Variants in ANKRD7 observed in about 807,000 individuals in gnomAD.
ANKRD7 encodes ankyrin repeat domain 7, also known as ankyrin repeat domain-containing protein 7.
Under a neutral mutation model 30.8 loss-of-function variants are expected in ANKRD7, and 30 were observed. The ratio of observed to expected loss-of-function variants is 0.97; its 90% CI spans 0.73 to 1.32. ANKRD7 has a LOEUF of 1.32. Among genes scored for constraint, ANKRD7 ranks in the 40% most tolerant of loss-of-function variants. The pLI, the probability that ANKRD7 is intolerant of heterozygous loss-of-function variation, is 0.00. For synonymous variants in ANKRD7, 97 were observed against 106.6 expected, an observed-to-expected ratio of 0.91 and a Z score of 0.55; for missense variants, 264 against 295.7, an observed-to-expected ratio of 0.89 and a Z score of 0.79.
rs1809514210 is a variant in ANKRD7 at position 118,224,913 on chromosome 7, A to C, written c.83A>C (p.Lys28Thr). 5.6e-6 allele frequency: 9 copies of C among 1,614,200 alleles called. No individual in the cohort carries two copies. The highest frequency in any genetic ancestry group is 7.6e-6 in the Non-Finnish European group (9 of 1,180,032). Residue 28 changes from lysine to threonine, a missense_variant, in exon 1 of 7, where the codon AAA becomes ACA. Coordinates refer to ENST00000265224, the MANE Select transcript of ANKRD7 (RefSeq NM_019644.4). The stretch of plus-strand genomic sequence containing the variant: ...AACCTTCGAGAAAAGGATTTAAAGA[A>C]ACTTCACAGAGCTGCTTCAGTCGGG... ...GYNLREKDLKKLHRAASVGDL... is the reference protein window; with the variant it reads ...GYNLREKDLKTLHRAASVGDL...
Position 118,240,014 on chromosome 7 carries a change from G to A in ANKRD7, c.*37+16G>A. ...CTAAAGGAAGGTAAGATTGCTAACT[G>A]GATTAGTGTTTTTTTCTTGTTGCTT... On this transcript the variant is annotated intron_variant, in intron 6 of 6. Transcript: ENST00000265224. 1 of 1,376,398 alleles carries A rather than the reference G, an allele frequency of 7.3e-7. No individual in the cohort carries two copies. The highest frequency in any genetic ancestry group is 9.7e-7 in the Non-Finnish European group (1 of 1,034,504). 85.3% of individuals were successfully genotyped at this position (1,376,398 alleles called of 1,614,324 possible).
intron 1 of ANKRD7, chr7:118,228,064 G>C: frequency 7.8e-7 from 1 of 1,286,118 alleles, no homozygotes; most frequent in Non-Finnish European, 1.0e-6. Flanking sequence ...TGTCAGCAAA[G>C]TATTTTATTT....
chr7:118,234,865 G>T lies in ANKRD7; in HGVS notation c.459G>T (p.Ala153=), dbSNP rs539928890. ...KLLEYEADLE[A]KNKDGYTPLL... ...TTGAATACGAAGCTGATCTTGAAGC[G>T]AAAAATAAGGTAGTTTTCTATTAAA... is the stretch of plus-strand genomic sequence containing the variant. Residue 153 remains alanine (A), a synonymous_variant, in exon 3 of 7, where the codon GCG becomes GCT. Transcript: ENST00000265224. 4.4e-6 allele frequency: 7 copies of T among 1,592,022 alleles called. No individual in the cohort carries two copies. Among genetic ancestry groups the T allele is most frequent in the Middle Eastern group, 1.7e-4 (1 of 5,918 alleles).
chr7:118,230,640 G>A (rs1809620817), intron 1 of ANKRD7, among the ~76,000 whole-genome samples: 1 of 151,858 alleles, frequency 6.6e-6, no homozygotes, highest in African/African-American at 2.4e-5. Context: ...GAACGTGTGT[G>A]TGTGTGTGTG....
At chr7:118,235,377 C>T (rs1809710188) in intron 3 of ANKRD7, among the ~76,000 whole-genome samples, 1 of 151,976 alleles carries the variant, frequency 6.6e-6, no homozygotes. Context: ...CTTTGGGAGG[C>T]CGAGGTGGGT....
Position 118,236,078 on chromosome 7 carries a change from A to G in ANKRD7, c.506A>G (p.Asn169Ser), listed in dbSNP as rs1202048417. The change falls in exon 4 of 7, where the codon AAT (asparagine) becomes AGT (serine). Residue 169 changes from asparagine (N) to serine (S), a missense_variant. Physicochemically the swap from Asn to Ser is conservative, Grantham distance 46. Transcript: ENST00000265224. Reference protein sequence around the residue: ...YTPLLVAVINNNPKMVKFLLE... With the variant: ...YTPLLVAVINSNPKMVKFLLE... Reference sequence around the variant, plus strand: ...CCACTATTAGTTGCCGTTATTAACAATAATCCAAAAATGGTAAAATTTCTT... The same window carrying G: ...CCACTATTAGTTGCCGTTATTAACAGTAATCCAAAAATGGTAAAATTTCTT... 3 of 1,607,144 alleles carry G rather than the reference A, an allele frequency of 1.9e-6. No individual in the cohort carries two copies. The highest frequency in any genetic ancestry group is 2.6e-6 in the Non-Finnish European group (3 of 1,174,714).
chr7:118,233,413 A>G (rs548804001), intron 1 of ANKRD7, among the ~76,000 whole-genome samples: 113 of 152,242 alleles, frequency 7.4e-4, no homozygotes, highest in African/African-American at 2.6e-3. Context: ...GATTACATTC[A>G]GGTAAACTTA....
chr7:118,232,458 T>C (rs988991576), intron 1 of ANKRD7, among the ~76,000 whole-genome samples: 2 of 152,106 alleles, frequency 1.3e-5, no homozygotes, highest in African/African-American at 4.8e-5. Context: ...TTTTCAGATT[T>C]TGTACAAATG....
intron 1 of ANKRD7, among the ~76,000 whole-genome samples, chr7:118,226,989 T>C (rs1167644670): frequency 1.3e-5 from 2 of 152,192 alleles, no homozygotes; most frequent in Non-Finnish European, 2.9e-5. Context: ...TATTTATAGA[T>C]AGGGAAAGTT....
intron 5 of ANKRD7, 29 bp from the exon 6 acceptor site, chr7:118,239,880 C>T: frequency 6.9e-7 from 1 of 1,455,364 alleles, no homozygotes; most frequent in South Asian, 1.2e-5. Flanking sequence ...TCTATGCATG[C>T]TGGCATTCAC....
chr7:118,226,367 C>G (rs1475926162), intron 1 of ANKRD7, among the ~76,000 whole-genome samples: 1 of 152,074 alleles, frequency 6.6e-6, no homozygotes, highest in Non-Finnish European at 1.5e-5. Flanking sequence ...GGAGTCAACC[C>G]CCTGTGAAGT....
At chr7:118,240,207 A>G (rs940483067) in intron 6 of ANKRD7, among the ~76,000 whole-genome samples, 2 of 151,954 alleles carry the variant, frequency 1.3e-5, no homozygotes, top group African/African-American at 4.8e-5. Flanking sequence ...ACATGTGCAC[A>G]TTGTGCAGGT....
In ANKRD7 at chr7:118,234,482, C is replaced by T. The variant is rs752562983; in HGVS notation, c.231C>T (p.Phe77=). The T allele has an allele frequency of 1.2e-6, 2 of 1,613,156 alleles. No homozygotes were observed. Among genetic ancestry groups the T allele is most frequent in the Non-Finnish European group, 1.7e-6 (2 of 1,179,680 alleles). The change falls in exon 2 of 7, where the codon TTC becomes TTT. Residue 77 remains phenylalanine (F), a synonymous_variant. Transcript: ENST00000265224. ...ATGGACATACAGATGTTGTACTTTT[C>T]CTAATTGAGCAACAATGCAAAATAA... ...CANGHTDVVL[F]LIEQQCKINV...
In ANKRD7 at chr7:118,232,953, G is replaced by A. The variant is rs148284816; in HGVS notation, c.180-1478G>A. ...TCTTTGGTGGGCTTAAAGCTATTTA[G>A]CCCTGTGTTATGTTTGGATTGAGGG... is the stretch of plus-strand genomic sequence containing the variant. On this transcript the variant is annotated intron_variant, in intron 1 of 6. Coordinates refer to ENST00000265224, the MANE Select transcript of ANKRD7 (RefSeq NM_019644.4). Among the ~76,000 whole-genome samples the A allele has an allele frequency of 1.6e-3, 246 of 152,088 alleles. 1 individual carries two copies. Among genetic ancestry groups the A allele is most frequent in the South Asian group, 3.1e-3 (15 of 4,814 alleles).
chr7:118,225,394 A>G (rs2115989749), intron 1 of ANKRD7, among the ~76,000 whole-genome samples: 1 of 151,994 alleles, frequency 6.6e-6, no homozygotes, highest in South Asian at 2.1e-4. Flanking sequence ...AGGCTGAGGT[A>G]GGAGAATCAC....
At chr7:118,239,802 C>A (rs1405113491) in intron 5 of ANKRD7, 107 bp from the exon 6 acceptor site, 1 of 552,864 alleles carries the variant, frequency 1.8e-6, no homozygotes, top group Non-Finnish European at 3.0e-6. Flanking sequence ...AAGTGTGTTA[C>A]ATTCTTGGGG....
intron 1 of ANKRD7, among the ~76,000 whole-genome samples, chr7:118,232,023 T>G (rs1809649431): frequency 6.6e-6 from 1 of 152,136 alleles, no homozygotes; most frequent in Non-Finnish European, 1.5e-5. Context: ...TTTTAAAATG[T>G]TTCTCTAAGA....
chr7:118,233,731 A>G (rs1395667410), intron 1 of ANKRD7, among the ~76,000 whole-genome samples: 1 of 152,102 alleles, frequency 6.6e-6, no homozygotes, highest in African/African-American at 2.4e-5. Flanking sequence ...ATTATCTAAA[A>G]ACAAGGCTAT....
intron 1 of ANKRD7, among the ~76,000 whole-genome samples, chr7:118,226,169 T>A (rs1375191649): frequency 6.6e-6 from 1 of 152,236 alleles, no homozygotes; most frequent in Non-Finnish European, 1.5e-5. Context: ...CCCAGATAGC[T>A]TCATACCCAG....
Sources: gnomAD v4.1 joint callset for allele counts (sites outside exome capture counted in the v4.1 genomes callset) on GRCh38, gnomAD v4.1.1 for gene constraint, MANE v1.5 for transcripts, NCBI Gene and HGNC (gene_info 2026-07-23, HGNC 2026-07-21) for gene names.